Variants in ADHFE1 observed in about 807,000 individuals in gnomAD.
ADHFE1 encodes the protein alcohol dehydrogenase iron containing 1.
A neutral mutation model predicts 54.8 loss-of-function variants in ADHFE1; 37 were observed. That is an observed-to-expected ratio of 0.68 (90% CI 0.52 to 0.89). The LOEUF (loss-of-function observed/expected upper bound fraction) is 0.89. ADHFE1 is among the 40% of genes least tolerant of loss of function. ADHFE1 has a pLI of 0.00. For synonymous variants in ADHFE1, 203 were observed against 229.3 expected (o/e 0.89, Z 1.04); for missense variants, 601 against 591.2 (o/e 1.02, Z -0.17).
intron 1 of ADHFE1, chr8:66,432,870 A>T (rs1301866711): frequency 8.3e-7 from 1 of 1,208,488 alleles, no homozygotes. Context: ...AGAGCTTGGC[A>T]CGGTGGCCAA....
At chr8:66,449,116 A>T (rs1481512881) in intron 8 of ADHFE1, 146 bp downstream of exon 8, 2 of 721,318 alleles carry the variant, frequency 2.8e-6, no homozygotes, top group African/African-American at 1.8e-5. Flanking sequence ...GTCCTAAATC[A>T]AACATTCAAG....
intron 13 of ADHFE1, among the ~76,000 whole-genome samples, chr8:66,467,913 G>A (rs938869872): frequency 2.0e-5 from 3 of 152,146 alleles, no homozygotes; most frequent in Non-Finnish European, 2.9e-5. Flanking sequence ...CTTCGGGGAC[G>A]ACCCAGTTCT....
intron 7 of ADHFE1, among the ~76,000 whole-genome samples, chr8:66,447,916 CTT>C (rs898412898): frequency 6.6e-6 from 1 of 152,150 alleles, no homozygotes; most frequent in Admixed American, 6.5e-5. Context: ...TGAGATATGA[CTT>C]TTGTATAATA....
In ADHFE1 at chr8:66,434,023, A is replaced by G. The variant is rs143663539; in HGVS notation, c.59+1448A>G. On this transcript the variant is annotated intron_variant, in intron 1 of 13. Coordinates refer to ENST00000396623, the MANE Select transcript of ADHFE1 (RefSeq NM_144650.3). ...GAACTGTGTTAGCACATTCTGGTGG[A>G]AATGTGGAGTGAAGAGGAAGGACTA... Among the ~76,000 whole-genome samples, 22 of 152,356 alleles carry G rather than the reference A, an allele frequency of 1.4e-4. No homozygotes were observed. In the East Asian group the frequency reaches 4.0e-3, roughly 28 times the overall value.
At position 66,442,511 on chromosome 8, in the gene ADHFE1, C is replaced by G. The variant is rs965233970; in HGVS notation, c.98-287C>G. 1.4e-4 allele frequency among the ~76,000 whole-genome samples: 22 copies of G among 152,126 alleles called. 2 individuals are homozygous for G. Among genetic ancestry groups the G allele is most frequent in the Admixed American group, 1.2e-3 (19 of 15,274 alleles). On this transcript the variant is annotated intron_variant, in intron 2 of 13. Transcript: ENST00000396623. ...TATTTTTAGTAGAGACAGGGTTCTA[C>G]CATGTTAGCCAGGATGATCTCGATC...
intron 1 of ADHFE1, among the ~76,000 whole-genome samples, chr8:66,437,836 G>A (rs1421551941): frequency 6.6e-6 from 1 of 152,166 alleles, no homozygotes; most frequent in Non-Finnish European, 1.5e-5. Flanking sequence ...CAGAAAGGGT[G>A]TCTCTCTGCA....
rs568409227 is a variant in ADHFE1, at chr8:66,454,661, C to T, written c.986+504C>T. On this transcript the variant is annotated intron_variant, in intron 10 of 13. Coordinates refer to ENST00000396623, the MANE Select transcript of ADHFE1 (RefSeq NM_144650.3). ...ATACCTCCTAGCTTCATCCACCAAT[C>T]CCCCCACCTTCCCTAATACTTAGCA... Among the ~76,000 whole-genome samples, 13 of 152,176 alleles carry T rather than the reference C, an allele frequency of 8.5e-5. No homozygotes were observed. In the South Asian group the frequency reaches 2.7e-3, roughly 32 times the overall value.
intron 8 of ADHFE1, among the ~76,000 whole-genome samples, chr8:66,449,902 T>C (rs1191845268): frequency 6.6e-6 from 1 of 152,180 alleles, no homozygotes; most frequent in Non-Finnish European, 1.5e-5. Context: ...GAGGATCACT[T>C]GAGGCCAGGA....
Position 66,444,382 on chromosome 8 carries a change from A to G in ADHFE1, c.160A>G (p.Ile54Val), listed in dbSNP as rs142227423. ...TTTTTTTCAGATGGCTGTTTCAAATATTAGATATGGAGCAGCAGTTACAAA... is the reference window on the plus strand; with the variant it reads ...TTTTTTTCAGATGGCTGTTTCAAATGTTAGATATGGAGCAGCAGTTACAAA... ...DYAFEMAVSN[I>V]RYGAAVTKEV... Residue 54 changes from isoleucine to valine, a missense_variant, in exon 4 of 14, where the codon ATT becomes GTT. Transcript: ENST00000396623. 11 of 1,614,080 alleles carry G rather than the reference A, an allele frequency of 6.8e-6. No individual in the cohort carries two copies. In the African/African-American group the frequency reaches 1.2e-4, roughly 18 times the overall value.
At chr8:66,432,747 A>T in intron 1 of ADHFE1, 172 bp downstream of exon 1, 1 of 1,231,492 alleles carries the variant, frequency 8.1e-7, no homozygotes, top group South Asian at 4.1e-5. Context: ...GAGGTCACAG[A>T]GTGCGCGATG....
At chr8:66,432,596 C>A in intron 1 of ADHFE1, 21 bp downstream of exon 1, 1 of 1,297,410 alleles carries the variant, frequency 7.7e-7, no homozygotes. Flanking sequence ...GGCCGGCGGG[C>A]GGGCAGGGGA....
At chr8:66,464,253 A>G (rs1055990789) in intron 13 of ADHFE1, among the ~76,000 whole-genome samples, 2 of 152,150 alleles carry the variant, frequency 1.3e-5, no homozygotes, top group Non-Finnish European at 2.9e-5. Flanking sequence ...GGCAGAGCTG[A>G]TATGTATAGG....
intron 1 of ADHFE1, among the ~76,000 whole-genome samples, chr8:66,435,607 T>A: frequency 1.1e-5 from 1 of 94,124 alleles, no homozygotes; most frequent in East Asian, 3.6e-4. Context: ...CAAGATTTTT[T>A]TTTTTTTTTT....
At chr8:66,460,269 C>T in intron 12 of ADHFE1, 39 bp from the exon 13 acceptor site, 1 of 1,610,848 alleles carries the variant, frequency 6.2e-7, no homozygotes, top group Non-Finnish European at 8.5e-7. Flanking sequence ...GAGCCCGTTT[C>T]TTCCTCTCTC....
chr8:66,447,628 G>T (rs1478667530), intron 7 of ADHFE1, among the ~76,000 whole-genome samples: 1 of 152,060 alleles, frequency 6.6e-6, no homozygotes, highest in Non-Finnish European at 1.5e-5. Flanking sequence ...CATGTACCCT[G>T]TAAATATGTT....
chr8:66,468,334 T>G lies in ADHFE1; in HGVS notation c.1386T>G (p.Ala462=). 1.9e-6 allele frequency: 3 copies of G among 1,613,292 alleles called. No individual in the cohort carries two copies. Among genetic ancestry groups the G allele is most frequent in the Non-Finnish European group, 2.5e-6 (3 of 1,179,530 alleles). The change falls in exon 14 of 14, where the codon GCT becomes GCG. Residue 462 remains alanine, a synonymous_variant. Transcript: ENST00000396623. The part of the protein sequence containing the change: ...SEEDLAALFE[A]SMKLY The stretch of plus-strand genomic sequence containing the variant: ...AGGATCTGGCTGCTCTGTTTGAAGC[T>G]TCAATGAAACTGTATTAATTGTCAT...
intron 3 of ADHFE1, among the ~76,000 whole-genome samples, chr8:66,443,339 G>A (rs1366853071): frequency 7.6e-6 from 1 of 130,756 alleles, no homozygotes; most frequent in Non-Finnish European, 1.6e-5. Flanking sequence ...GTGCAGTGGT[G>A]TGATCTCAGC....
chr8:66,449,944 C>T (rs1057294878), intron 8 of ADHFE1, among the ~76,000 whole-genome samples: 1 of 152,138 alleles, frequency 6.6e-6, no homozygotes, highest in African/African-American at 2.4e-5. Flanking sequence ...CAAAGTGACA[C>T]CTCATCTCCA....
chr8:66,452,168 C>T (rs1806334680), intron 9 of ADHFE1, 63 bp downstream of exon 9: 4 of 1,576,192 alleles, frequency 2.5e-6, no homozygotes, highest in East Asian at 2.2e-5. Context: ...GCACGTGAAA[C>T]ATGACATGCC....
Sources: allele counts gnomAD v4.1 joint callset (sites outside exome capture counted in the v4.1 genomes callset), GRCh38; gene constraint gnomAD v4.1.1; transcripts MANE v1.5; gene names NCBI Gene and HGNC (gene_info 2026-07-23, HGNC 2026-07-21).